Variants in GALNT17 observed in about 807,000 individuals in gnomAD.
GALNT17 encodes the protein UDP-GalNAc:polypeptide N-acetylgalactosaminyltransferase-like 3.
Under a neutral mutation model 63.7 loss-of-function variants are expected in GALNT17, and 29 were observed. The observed-to-expected ratio is 0.46, with a 90% CI of 0.34 to 0.62. The LOEUF (loss-of-function observed/expected upper bound fraction) is 0.62, where lower values mean the gene tolerates loss of function less well. Ranked by LOEUF, GALNT17 falls within the 20% of genes least tolerant of loss-of-function variation. GALNT17 has a pLI of 0.01. For missense variants in GALNT17, 603 were observed against 799.6 expected, an observed-to-expected ratio of 0.75 and a Z score of 2.97; for synonymous variants, 305 against 318.3, an observed-to-expected ratio of 0.96 and a Z score of 0.45.
Position 71,441,595 on chromosome 7 carries a change from C to T in GALNT17, c.962+20490C>T, listed in dbSNP as rs148028616. ...CAACCGGTCATCTAGGTTTTAAGCC[C>T]TGCATGCATTAGGTATTTGTCCTAA... On this transcript the variant is annotated intron_variant, in intron 5 of 10. Transcript: ENST00000333538. 2.0e-3 allele frequency among the ~76,000 whole-genome samples: 312 copies of T among 152,242 alleles called. 1 individual carries two copies. The highest frequency in any genetic ancestry group is 6.6e-3 in the African/African-American group (275 of 41,566).
At chr7:71,574,406 T>C (rs1789501450) in intron 6 of GALNT17, among the ~76,000 whole-genome samples, 1 of 152,186 alleles carries the variant, frequency 6.6e-6, no homozygotes, top group South Asian at 2.1e-4. Context: ...ATCAGGGTCA[T>C]AGATGTCACT....
chr7:71,593,509 C>T (rs1789842129), intron 6 of GALNT17, among the ~76,000 whole-genome samples: 1 of 152,076 alleles, frequency 6.6e-6, no homozygotes, highest in African/African-American at 2.4e-5. Flanking sequence ...CGTGATCTGC[C>T]CATCTTGGCC....
In GALNT17 at chr7:71,415,937, G is replaced by T. The variant is rs1298347889; in HGVS notation, c.638G>T (p.Gly213Val). Residue 213 changes from glycine to valine, a missense_variant, in exon 4 of 11, where the codon GGG becomes GTG. Coordinates refer to ENST00000333538, the MANE Select transcript of GALNT17 (RefSeq NM_022479.3). The stretch of plus-strand genomic sequence containing the variant: ...GAGTATGTCCACAAACGCTACCCCG[G>T]GCTGGTGAAGGTGGTAAGAAATCAG... The part of the protein sequence containing the change: ...LEEYVHKRYP[G>V]LVKVVRNQKR... 6.2e-7 allele frequency: 1 copy of T among 1,613,568 alleles called. No homozygotes were observed. Among genetic ancestry groups the T allele is most frequent in the Non-Finnish European group, 8.5e-7 (1 of 1,179,740 alleles).
intron 9 of GALNT17, among the ~76,000 whole-genome samples, chr7:71,692,731 T>C (rs2117096899): frequency 1.0e-5 from 1 of 97,878 alleles, no homozygotes; most frequent in Admixed American, 1.6e-4. Context: ...TTTTTATTTT[T>C]ATTCTATTTT....
chr7:71,265,098 T>TTATATATA lies in GALNT17; in HGVS notation c.239-70438_239-70431dup, dbSNP rs1554345967. 2.9e-3 allele frequency among the ~76,000 whole-genome samples: 228 copies of TTATATATA among 78,332 alleles called. 19 individuals carry two copies. The highest frequency in any genetic ancestry group is 7.2e-3 in the East Asian group (22 of 3,070). The allele number at this position is 78,332 out of a possible 152,430, so 51.4% of individuals were successfully genotyped here. ...AAATACCACACGTAACCCATAAATA[T>TTATATATA]TATATATATATATATATATATTTTT... On this transcript the variant is annotated intron_variant, in intron 1 of 10. Coordinates refer to ENST00000333538, the MANE Select transcript of GALNT17 (RefSeq NM_022479.3).
chr7:71,187,963 G>T (rs1006787979), intron 1 of GALNT17, among the ~76,000 whole-genome samples: 1 of 152,184 alleles, frequency 6.6e-6, no homozygotes, highest in Non-Finnish European at 1.5e-5. Flanking sequence ...ATATGCGTGA[G>T]AACATACAAT....
At chr7:71,228,566 G>A (rs1789724117) in intron 1 of GALNT17, among the ~76,000 whole-genome samples, 1 of 152,216 alleles carries the variant, frequency 6.6e-6, no homozygotes, top group Non-Finnish European at 1.5e-5. Flanking sequence ...AGAGGCTCTA[G>A]AAGAGAATCT....
intron 1 of GALNT17, among the ~76,000 whole-genome samples, chr7:71,206,278 C>T (rs1486434349): frequency 6.6e-6 from 1 of 151,908 alleles, no homozygotes; most frequent in Non-Finnish European, 1.5e-5. Context: ...GGGCAGGGCA[C>T]TTAACCCGGT....
intron 6 of GALNT17, among the ~76,000 whole-genome samples, chr7:71,595,678 C>G (rs1272699052): frequency 6.6e-6 from 1 of 151,136 alleles, no homozygotes; most frequent in Non-Finnish European, 1.5e-5. Context: ...CACACACACA[C>G]ACACACACAC....
At chr7:71,632,667 G>A (rs1201112493) in intron 6 of GALNT17, among the ~76,000 whole-genome samples, 1 of 152,210 alleles carries the variant, frequency 6.6e-6, no homozygotes, top group Non-Finnish European at 1.5e-5. Flanking sequence ...AGTGAGAAGG[G>A]CTGGTGGAAA....
At chr7:71,397,774 A>G (rs1272131379) in intron 3 of GALNT17, among the ~76,000 whole-genome samples, 3 of 152,172 alleles carry the variant, frequency 2.0e-5, no homozygotes, top group African/African-American at 7.2e-5. Flanking sequence ...TTGGTGGAAC[A>G]CAACACCTGG....
intron 1 of GALNT17, among the ~76,000 whole-genome samples, chr7:71,167,269 G>A (rs1433526620): frequency 6.6e-6 from 1 of 152,006 alleles, no homozygotes; most frequent in Non-Finnish European, 1.5e-5. Context: ...CCGAATCCTT[G>A]TCTAGACTTT....
intron 4 of GALNT17, among the ~76,000 whole-genome samples, chr7:71,419,769 T>TG (rs1234726198): frequency 6.6e-6 from 1 of 152,200 alleles, no homozygotes; most frequent in Non-Finnish European, 1.5e-5. Flanking sequence ...ATTTCATGAG[T>TG]GGAGGCTTGG....
intron 1 of GALNT17, among the ~76,000 whole-genome samples, chr7:71,154,899 T>C (rs527600583): frequency 6.6e-6 from 1 of 151,994 alleles, no homozygotes; most frequent in African/African-American, 2.4e-5. Context: ...TTTATTAAGC[T>C]CTTTCTTAAA....
intron 1 of GALNT17, among the ~76,000 whole-genome samples, chr7:71,203,215 A>C (rs965720731): frequency 5.9e-5 from 9 of 152,040 alleles, no homozygotes; most frequent in African/African-American, 1.9e-4. Context: ...TTTTTTGAGG[A>C]GCCTCCATAC....
chr7:71,260,610 T>TC (rs974166329), intron 1 of GALNT17, among the ~76,000 whole-genome samples: 3 of 52,834 alleles, frequency 5.7e-5, no homozygotes, highest in African/African-American at 1.9e-4. Context: ...CTTTTTTTAA[T>TC]CTTTTTTTTT....
chr7:71,460,949 G>T lies in GALNT17; in HGVS notation c.962+39844G>T, dbSNP rs183605464. On this transcript the variant is annotated intron_variant, in intron 5 of 10. Transcript: ENST00000333538. ...TTTATCAGCAAGGTCTTTATGACCT[G>T]TATCTTGTGCCAACCTCTTATCTCA... Among the ~76,000 whole-genome samples the T allele has an allele frequency of 4.3e-4, 66 of 152,262 alleles. 1 individual carries two copies. The highest frequency in any genetic ancestry group is 1.2e-3 in the South Asian group (6 of 4,818).
intron 2 of GALNT17, among the ~76,000 whole-genome samples, chr7:71,338,100 G>A (rs1791942917): frequency 6.6e-6 from 1 of 151,906 alleles, no homozygotes; most frequent in Non-Finnish European, 1.5e-5. Flanking sequence ...GGCCGAGGCG[G>A]GCGGATCACG....
At chr7:71,440,483 T>G (rs1228329386) in intron 5 of GALNT17, among the ~76,000 whole-genome samples, 1 of 151,690 alleles carries the variant, frequency 6.6e-6, no homozygotes, top group Non-Finnish European at 1.5e-5. Flanking sequence ...CAACCAATTC[T>G]CCTGCCTCAG....
Sources: allele counts gnomAD v4.1 joint callset (sites outside exome capture counted in the v4.1 genomes callset), GRCh38; gene constraint gnomAD v4.1.1; transcripts MANE v1.5; gene names NCBI Gene and HGNC (gene_info 2026-07-23, HGNC 2026-07-21).